MLXIP: variants seen among roughly 807,000 people sequenced by gnomAD.
MLXIP encodes the protein MLX interacting protein, also known as MLX-interacting protein.
In MLXIP, 30 loss-of-function variants were observed where a neutral mutation model predicts 87.2. The ratio of observed to expected loss-of-function variants is 0.34; its 90% CI spans 0.26 to 0.47. MLXIP has a LOEUF of 0.47. Ranked by LOEUF, MLXIP falls within the 20% of genes least tolerant of loss-of-function variation. The pLI is 1.00. For synonymous variants in MLXIP, 530 were observed against 514.0 expected (o/e 1.03, Z -0.42); for missense variants, 1,002 against 1,240.1 (o/e 0.81, Z 2.88).
At chr12:122,111,570 C>CT (rs1952606517) in intron 1 of MLXIP, among the ~76,000 whole-genome samples, 3 of 152,176 alleles carry the variant, frequency 2.0e-5, no homozygotes, top group Admixed American at 2.0e-4. Flanking sequence ...CTGCCTGTGG[C>CT]TTAGCCGTTT....
chr12:122,137,755 C>CCACAGGGCTGGTTCG lies in MLXIP; in HGVS notation c.2154+165_2154+166insCACAGGGCTGGTTCG. 1 of 666,592 alleles carries CCACAGGGCTGGTTCG rather than the reference C, an allele frequency of 1.5e-6. No homozygotes were observed. Among genetic ancestry groups the CCACAGGGCTGGTTCG allele is most frequent in the Non-Finnish European group, 1.9e-6 (1 of 538,972 alleles). 41.3% of individuals were successfully genotyped at this position (666,592 alleles called of 1,614,324 possible). On this transcript the variant is annotated intron_variant, in intron 12 of 16. Coordinates refer to ENST00000319080, the MANE Select transcript of MLXIP (RefSeq NM_014938.6). The surrounding 1 kb of genome is among the most constrained non-coding windows in gnomAD (Gnocchi z 4.1). ...CCTTGCCCCATGCCACGAACCAGCC[C>CCACAGGGCTGGTTCG]TGTGGGGATGGTGGGCCCCCTGGAG...
chr12:122,129,565 G>C, intron 4 of MLXIP, 23 bp from the exon 5 acceptor site: 1 of 1,612,736 alleles, frequency 6.2e-7, no homozygotes, highest in South Asian at 1.1e-5. Context: ...GGTGACCGCC[G>C]TGTCCTGTCC....
chr12:122,127,204 A>C, intron 1 of MLXIP, 52 bp from the exon 2 acceptor site: 7 of 1,420,066 alleles, frequency 4.9e-6, no homozygotes, highest in Non-Finnish European at 6.9e-6. Context: ...TTGTAATTTC[A>C]CTTCAATTTC....
intron 1 of MLXIP, among the ~76,000 whole-genome samples, chr12:122,086,341 G>A (rs572821061): frequency 4.6e-5 from 7 of 152,236 alleles, no homozygotes; most frequent in Non-Finnish European, 7.4e-5. Context: ...AGCCCACCCC[G>A]GGCTTAAGAT....
chr12:122,134,047 A>G, intron 9 of MLXIP, 60 bp downstream of exon 9: 1 of 1,503,296 alleles, frequency 6.7e-7, no homozygotes, highest in Non-Finnish European at 8.9e-7. Flanking sequence ...ATGTTTTCCC[A>G]TCCCAAAGGC....
intron 1 of MLXIP, among the ~76,000 whole-genome samples, chr12:122,123,669 C>T (rs1351423412): frequency 2.0e-5 from 3 of 152,178 alleles, no homozygotes; most frequent in Admixed American, 1.3e-4. Flanking sequence ...GCTGTACCCC[C>T]TGCCTTCAGA....
At chr12:122,088,234 T>G (rs1189678008) in intron 1 of MLXIP, among the ~76,000 whole-genome samples, 1 of 152,168 alleles carries the variant, frequency 6.6e-6, no homozygotes, top group African/African-American at 2.4e-5. Flanking sequence ...GGAGCTTGCG[T>G]TCTGAGTGGC....
At chr12:122,132,497 C>CTTGGCGCTTTGCTGGT in intron 8 of MLXIP, 114 bp downstream of exon 8, 1 of 818,834 alleles carries the variant, frequency 1.2e-6, no homozygotes, top group Non-Finnish European at 2.0e-6. Context: ...ACCAGCAAAG[C>CTTGGCGCTTTGCTGGT]GCCAAGCAGT....
At position 122,141,193 on chromosome 12, in the gene MLXIP, C is replaced by G. The variant is rs999329241; in HGVS notation, c.2638+110C>G. On this transcript the variant is annotated intron_variant, in intron 16 of 16. Transcript: ENST00000319080. ...CTCCACTGCAGGCAGCCAGGTGGGGCCGGGGCAGGGGCACAGTGCTGTCCA... is the reference window on the plus strand; with the variant it reads ...CTCCACTGCAGGCAGCCAGGTGGGGGCGGGGCAGGGGCACAGTGCTGTCCA... 82 of 1,436,414 alleles carry G rather than the reference C, an allele frequency of 5.7e-5. No homozygotes were observed. In the East Asian group the frequency reaches 2.0e-3, roughly 35 times the overall value. 89.0% of individuals were successfully genotyped at this position (1,436,414 alleles called of 1,614,324 possible).
chr12:122,112,731 G>A (rs1952623877), intron 1 of MLXIP, among the ~76,000 whole-genome samples: 1 of 152,144 alleles, frequency 6.6e-6, no homozygotes, highest in Non-Finnish European at 1.5e-5. Context: ...TGGGAAGGGG[G>A]TGTATGATGA....
At position 122,138,122 on chromosome 12, in the gene MLXIP, G is replaced by A. The variant is rs1002847731; in HGVS notation, c.2155-72G>A. 19 of 1,365,992 alleles carry A rather than the reference G, an allele frequency of 1.4e-5. No homozygotes were observed. In the African/African-American group the frequency reaches 1.9e-4, roughly 13 times the overall value. The allele number at this position is 1,365,992 out of a possible 1,614,324, so 84.6% of individuals were successfully genotyped here. On this transcript the variant is annotated intron_variant, in intron 12 of 16. Coordinates refer to ENST00000319080, the MANE Select transcript of MLXIP (RefSeq NM_014938.6). ...TGGCCCTTGGGCACCCAGGATCAGC[G>A]TAGGGGGTGAGGAAGGGTGGACAGT...
Position 122,090,470 on chromosome 12 carries a change from C to G in MLXIP, c.413+11204C>G, listed in dbSNP as rs532743143. ...CAAGATCCCACCACTGCCCTCCATCCTGGGCAACAGAGCGAGACTCTGTCT... is the reference window on the plus strand; with the variant it reads ...CAAGATCCCACCACTGCCCTCCATCGTGGGCAACAGAGCGAGACTCTGTCT... On this transcript the variant is annotated intron_variant, in intron 1 of 16. Transcript: ENST00000319080. 2.0e-5 allele frequency among the ~76,000 whole-genome samples: 3 copies of G among 151,582 alleles called. No homozygotes were observed. The East Asian group carries it at 5.8e-4, about 29-fold the overall frequency.
At chr12:122,134,884 G>A (rs950982572) in intron 9 of MLXIP, 1 of 339,412 alleles carries the variant, frequency 2.9e-6, no homozygotes, top group Non-Finnish European at 5.7e-6. Context: ...ACATTGGCCA[G>A]GCTGGTCTCG....
intron 1 of MLXIP, among the ~76,000 whole-genome samples, chr12:122,088,418 G>C (rs1480068567): frequency 1.3e-5 from 2 of 152,174 alleles, no homozygotes; most frequent in African/African-American, 4.8e-5. Flanking sequence ...TAGAGAAGGG[G>C]TGATTTTGGT....
At chr12:122,098,254 C>T (rs1229778360) in intron 1 of MLXIP, among the ~76,000 whole-genome samples, 2 of 152,126 alleles carry the variant, frequency 1.3e-5, no homozygotes, top group African/African-American at 4.8e-5. Flanking sequence ...TCTTCCGGTG[C>T]CCCCCACTTC....
chr12:122,084,831 A>C (rs994818532), intron 1 of MLXIP, among the ~76,000 whole-genome samples: 3 of 152,238 alleles, frequency 2.0e-5, no homozygotes, highest in African/African-American at 7.2e-5. Context: ...TACAGGCGTG[A>C]GCCACTGTGC....
At chr12:122,103,117 C>T (rs1030126276) in intron 1 of MLXIP, among the ~76,000 whole-genome samples, 1 of 152,176 alleles carries the variant, frequency 6.6e-6, no homozygotes, top group Non-Finnish European at 1.5e-5. Flanking sequence ...CATTTTCCCG[C>T]CTTGGCTTCC....
chr12:122,080,242 G>A (rs1952071899), intron 1 of MLXIP, among the ~76,000 whole-genome samples: 2 of 152,328 alleles, frequency 1.3e-5, no homozygotes, highest in South Asian at 4.1e-4. Context: ...CCTGCAGAAA[G>A]CTCATGATGG....
intron 1 of MLXIP, among the ~76,000 whole-genome samples, chr12:122,092,773 T>G (rs1952265826): frequency 6.6e-6 from 1 of 152,214 alleles, no homozygotes; most frequent in South Asian, 2.1e-4. Context: ...ACGGTTGATT[T>G]GGCTGGAGTT....
Sources: gnomAD v4.1 joint callset for allele counts (sites outside exome capture counted in the v4.1 genomes callset) on GRCh38, gnomAD v4.1.1 for gene constraint, Gnocchi (gnomAD v3.1) non-coding constraint, MANE v1.5 for transcripts, NCBI Gene and HGNC (gene_info 2026-07-23, HGNC 2026-07-21) for gene names.